CHRM3: variants seen among roughly 807,000 people sequenced by gnomAD.
CHRM3 encodes cholinergic receptor muscarinic 3.
Under a neutral mutation model 41.8 loss-of-function variants are expected in CHRM3, and 11 were observed. The observed-to-expected ratio is 0.26, with a 90% CI of 0.17 to 0.44. CHRM3 has a LOEUF of 0.44. Among genes scored for constraint, CHRM3 ranks in the 20% least tolerant of loss-of-function variants. CHRM3 has a pLI of 1.00. For missense variants in CHRM3, 571 were observed against 745.4 expected (o/e 0.77, Z 2.72); for synonymous variants, 297 against 301.4 (o/e 0.99, Z 0.15).
intron 1 of CHRM3, among the ~76,000 whole-genome samples, chr1:239,400,951 A>G (rs1659919152): frequency 6.6e-6 from 1 of 152,210 alleles, no homozygotes; most frequent in African/African-American, 2.4e-5. Context: ...ATGTCGCAGA[A>G]GCTCAGTGAA....
intron 1 of CHRM3, among the ~76,000 whole-genome samples, chr1:239,444,530 G>A (rs1365522748): frequency 6.6e-6 from 1 of 152,064 alleles, no homozygotes; most frequent in African/African-American, 2.4e-5. Flanking sequence ...GGGACCTGAG[G>A]GGTGAATAGG....
intron 3 of CHRM3, among the ~76,000 whole-genome samples, chr1:239,580,164 T>C (rs184139875): frequency 6.6e-6 from 1 of 151,884 alleles, no homozygotes; most frequent in Non-Finnish European, 1.5e-5. Context: ...TTAAGAGAAT[T>C]TGTGAATACA....
At chr1:239,569,400 C>T (rs1027158075) in intron 3 of CHRM3, among the ~76,000 whole-genome samples, 1 of 152,144 alleles carries the variant, frequency 6.6e-6, no homozygotes, top group Non-Finnish European at 1.5e-5. Context: ...CATATAATGA[C>T]TCAGATGGCT....
chr1:239,446,005 T>G (rs2103284754), intron 1 of CHRM3, among the ~76,000 whole-genome samples: 1 of 151,948 alleles, frequency 6.6e-6, no homozygotes, highest in East Asian at 1.9e-4. Context: ...TCACGCAATC[T>G]CGGCTCACTG....
At chr1:239,612,798 C>T (rs1286410179) in intron 3 of CHRM3, among the ~76,000 whole-genome samples, 1 of 152,116 alleles carries the variant, frequency 6.6e-6, no homozygotes, top group East Asian at 1.9e-4. Context: ...CGTAGAACTG[C>T]GTATTGATCA....
intron 5 of CHRM3, among the ~76,000 whole-genome samples, chr1:239,785,030 C>CT (rs1480777433): frequency 1.3e-5 from 2 of 152,192 alleles, no homozygotes; most frequent in African/African-American, 2.4e-5. Context: ...AGTTCTCTTG[C>CT]TTTTTTTCCA....
chr1:239,875,667 A>G (rs768243582), intron 6 of CHRM3, among the ~76,000 whole-genome samples: 7 of 152,196 alleles, frequency 4.6e-5, no homozygotes, highest in African/African-American at 1.7e-4. Context: ...TCAAGACAGT[A>G]TCATGTAGCC....
chr1:239,853,923 A>C (rs924503329), intron 6 of CHRM3, among the ~76,000 whole-genome samples: 8 of 152,118 alleles, frequency 5.3e-5, no homozygotes, highest in African/African-American at 1.9e-4. Context: ...GATTTGAAAA[A>C]ACAAGAAGGA....
chr1:239,868,717 G>A lies in CHRM3; in HGVS notation c.-19-38716G>A, dbSNP rs531324953. Among the ~76,000 whole-genome samples the A allele has an allele frequency of 1.1e-3, 168 of 152,238 alleles. 1 individual carries two copies. The highest frequency in any genetic ancestry group is 3.8e-4 in the Non-Finnish European group (26 of 68,026). On this transcript the variant is annotated intron_variant, in intron 6 of 6. Transcript: ENST00000676153. Reference sequence around the variant, plus strand: ...CCACTACATTCAGCCATAAATCAGCGAAAGGACCCTGATCCTTCAGTCCAA... The same window carrying A: ...CCACTACATTCAGCCATAAATCAGCAAAAGGACCCTGATCCTTCAGTCCAA...
Position 239,664,612 on chromosome 1 carries a change from G to A in CHRM3, c.-249-13574G>A, listed in dbSNP as rs533874453. ...TCTTAGTCTCATACGAAGACTGTGA[G>A]TCCCCTGCGGCCATACCTGGGAGTT... On this transcript the variant is annotated intron_variant, in intron 4 of 6. Transcript: ENST00000676153. Among the ~76,000 whole-genome samples the A allele has an allele frequency of 3.0e-4, 45 of 152,196 alleles. No individual in the cohort carries two copies. The South Asian group carries it at 8.9e-3, about 30-fold the overall frequency.
chr1:239,891,970 C>T (rs1381107163), intron 6 of CHRM3, among the ~76,000 whole-genome samples: 1 of 152,138 alleles, frequency 6.6e-6, no homozygotes, highest in East Asian at 1.9e-4. Flanking sequence ...GCCGAGAACT[C>T]GGTGTTCAAG....
At chr1:239,640,460 T>A (rs1269744328) in intron 4 of CHRM3, among the ~76,000 whole-genome samples, 1 of 152,200 alleles carries the variant, frequency 6.6e-6, no homozygotes, top group Non-Finnish European at 1.5e-5. Flanking sequence ...ATTGGTCTAT[T>A]CAGAGATTCA....
At chr1:239,854,905 T>A (rs1674980872) in intron 6 of CHRM3, among the ~76,000 whole-genome samples, 1 of 152,162 alleles carries the variant, frequency 6.6e-6, no homozygotes, top group Non-Finnish European at 1.5e-5. Flanking sequence ...TTTTAAAAAT[T>A]GCATTGCTCA....
In CHRM3 at chr1:239,611,715, A is replaced by G. The variant is rs377163353; in HGVS notation, c.-312-20509A>G. Among the ~76,000 whole-genome samples the G allele has an allele frequency of 8.9e-4, 135 of 152,196 alleles. 2 individuals are homozygous for G. The South Asian group carries it at 0.02, about 22-fold the overall frequency. ...ATTACAGGCATGAGCCACCGCACCC[A>G]GCCGCAAGTGACATGTTTTATTGCA... On this transcript the variant is annotated intron_variant, in intron 3 of 6. Transcript: ENST00000676153.
At chr1:239,550,739 C>T (rs1659732402) in intron 3 of CHRM3, among the ~76,000 whole-genome samples, 1 of 152,130 alleles carries the variant, frequency 6.6e-6, no homozygotes, top group South Asian at 2.1e-4. Context: ...TAACTACCTT[C>T]TTAATTTATC....
rs949727893 is a variant in CHRM3 at position 239,705,187 on chromosome 1, G to T, written c.-147+26899G>T. On this transcript the variant is annotated intron_variant, in intron 5 of 6. Transcript: ENST00000676153. ...ATGACACTGCACTCCAACCTGGGCA[G>T]CAGAGCAAGACCCCGACTCAAAAAA... 2.0e-5 allele frequency: 3 copies of T among 152,146 alleles called. No individual in the cohort carries two copies. The East Asian group carries it at 5.8e-4, about 29-fold the overall frequency. 9.4% of individuals were successfully genotyped at this position (152,146 alleles called of 1,614,324 possible). A position where few individuals can be genotyped will look rare whatever the true frequency, so the allele number is the denominator to read the frequency against.
chr1:239,902,608 T>A lies in CHRM3; in HGVS notation c.-19-4825T>A, dbSNP rs560962171. ...TAGAAGTCACAGTGGGTTTTAGTAG[T>A]GTGCTTTGCTTAAAATTTCTGCTTC... On this transcript the variant is annotated intron_variant, in intron 6 of 6. Coordinates refer to ENST00000676153, the MANE Select transcript of CHRM3 (RefSeq NM_001375978.1). Among the ~76,000 whole-genome samples, 20 of 152,320 alleles carry A rather than the reference T, an allele frequency of 1.3e-4. No individual in the cohort carries two copies. In the South Asian group the frequency reaches 4.1e-3, roughly 32 times the overall value.
chr1:239,892,007 A>ATTCTGTTCT (rs1335139715), intron 6 of CHRM3, among the ~76,000 whole-genome samples: 1 of 152,208 alleles, frequency 6.6e-6, no homozygotes, highest in Non-Finnish European at 1.5e-5. Flanking sequence ...TTTGACCAAG[A>ATTCTGTTCT]GATGGTCTGT....
At chr1:239,844,842 A>T (rs912793179) in intron 6 of CHRM3, among the ~76,000 whole-genome samples, 1 of 152,188 alleles carries the variant, frequency 6.6e-6, no homozygotes, top group African/African-American at 2.4e-5. Flanking sequence ...CCAGGCTCCC[A>T]ACCCAAACAC....
Sources: gnomAD v4.1 joint callset for allele counts (sites outside exome capture counted in the v4.1 genomes callset) on GRCh38, gnomAD v4.1.1 for gene constraint, MANE v1.5 for transcripts, NCBI Gene and HGNC (gene_info 2026-07-23, HGNC 2026-07-21) for gene names.